The following RNFT2 variants were observed in gnomAD, a reference collection of about 807,000 sequenced individuals.
RNFT2 encodes ring finger protein, transmembrane 2.
RNFT2 carries 36 observed loss-of-function variants against 53.0 expected under a neutral mutation model. That is an observed-to-expected ratio of 0.68 (90% CI 0.52 to 0.90). The LOEUF (loss-of-function observed/expected upper bound fraction) is 0.90, where lower values mean the gene tolerates loss of function less well. Ranked by LOEUF, RNFT2 falls within the 40% of genes least tolerant of loss-of-function variation. The probability of loss-of-function intolerance (pLI) is 0.00; values close to 1 mark genes in which losing one functional copy is unlikely to be tolerated. For synonymous variants in RNFT2, 260 were observed against 253.2 expected (o/e 1.03, Z -0.26); for missense variants, 514 against 585.6 (o/e 0.88, Z 1.26).
intron 7 of RNFT2, among the ~76,000 whole-genome samples, chr12:116,833,148 A>T (rs1565873513): frequency 6.6e-6 from 1 of 151,866 alleles, no homozygotes; most frequent in Non-Finnish European, 1.5e-5. Context: ...TGAACTCCTG[A>T]CCTTAAGTGA....
At chr12:116,813,789 A>T (rs1163425675) in intron 7 of RNFT2, among the ~76,000 whole-genome samples, 5 of 152,236 alleles carry the variant, frequency 3.3e-5, no homozygotes, top group Non-Finnish European at 7.3e-5. Flanking sequence ...GTGTGAATTC[A>T]GTTGGAAGGG....
At chr12:116,766,352 T>G (rs1166416704) in intron 5 of RNFT2, among the ~76,000 whole-genome samples, 1 of 152,234 alleles carries the variant, frequency 6.6e-6, no homozygotes, top group East Asian at 1.9e-4. Flanking sequence ...CACAGCCCCT[T>G]GAGGTTTCTT....
At chr12:116,780,000 G>T (rs188787518) in intron 7 of RNFT2, among the ~76,000 whole-genome samples, 1 of 151,710 alleles carries the variant, frequency 6.6e-6, no homozygotes, top group Non-Finnish European at 1.5e-5. Context: ...AATCTGGACC[G>T]AAGCAGGTGG....
At chr12:116,750,617 T>C (rs1001662795) in intron 4 of RNFT2, among the ~76,000 whole-genome samples, 6 of 151,706 alleles carry the variant, frequency 4.0e-5, no homozygotes, top group Non-Finnish European at 8.8e-5. Context: ...TGCTGGAGTC[T>C]GCACCCTAGC....
In RNFT2 at chr12:116,780,670, C is replaced by CA. The variant is rs534092869; in HGVS notation, c.882+1336dup. 8.9e-3 allele frequency among the ~76,000 whole-genome samples: 889 copies of CA among 100,136 alleles called. 4 individuals are homozygous for CA. The highest frequency in any genetic ancestry group is 0.01 in the African/African-American group (336 of 32,060). 65.7% of individuals were successfully genotyped at this position (100,136 alleles called of 152,430 possible). A position where few individuals can be genotyped will look rare whatever the true frequency, so the allele number is the denominator to read the frequency against. ...CAGGAAACGCAAAATGGCATAAAGA[C>CA]AAAAAAAAAAAAAAGAGATGTGGAG... On this transcript the variant is annotated intron_variant, in intron 7 of 10. Transcript: ENST00000257575.
At chr12:116,750,922 C>T (rs1171087127) in intron 4 of RNFT2, among the ~76,000 whole-genome samples, 4 of 109,520 alleles carry the variant, frequency 3.7e-5, no homozygotes, top group African/African-American at 1.4e-4. Flanking sequence ...TTTTTTGAGA[C>T]AGGGTCTTGC....
intron 7 of RNFT2, among the ~76,000 whole-genome samples, chr12:116,781,602 C>T (rs1372655133): frequency 6.6e-6 from 1 of 151,570 alleles, no homozygotes; most frequent in African/African-American, 2.4e-5. Context: ...CCTCTCCCTC[C>T]CCCTACACCT....
intron 10 of RNFT2, among the ~76,000 whole-genome samples, chr12:116,840,995 G>A (rs566214375): frequency 6.6e-6 from 1 of 152,112 alleles, no homozygotes; most frequent in Admixed American, 6.6e-5. Context: ...GTAATTAAAT[G>A]CTTCAAACAT....
intron 7 of RNFT2, among the ~76,000 whole-genome samples, chr12:116,788,660 G>A (rs890602445): frequency 6.6e-6 from 1 of 152,116 alleles, no homozygotes; most frequent in Non-Finnish European, 1.5e-5. Context: ...CAGTTTGTTT[G>A]TTGATGGATC....
intron 6 of RNFT2, among the ~76,000 whole-genome samples, chr12:116,776,030 G>A (rs567237794): frequency 6.6e-6 from 1 of 151,770 alleles, no homozygotes; most frequent in African/African-American, 2.4e-5. Flanking sequence ...GCAACAGAGC[G>A]AGACTCTCAA....
chr12:116,846,309 G>C (rs2137225194), intron 10 of RNFT2, among the ~76,000 whole-genome samples: 1 of 152,080 alleles, frequency 6.6e-6, no homozygotes, highest in South Asian at 2.1e-4. Context: ...GTCTCACTCT[G>C]TCTCCCAGGC....
At chr12:116,790,584 T>C (rs1349331595) in intron 7 of RNFT2, among the ~76,000 whole-genome samples, 1 of 152,218 alleles carries the variant, frequency 6.6e-6, no homozygotes, top group Admixed American at 6.5e-5. Flanking sequence ...TTCATTTCCA[T>C]CTGATGTCAG....
In RNFT2 at chr12:116,743,262, A is replaced by G. The variant is rs1245241237; in HGVS notation, c.83+2168A>G. ...AAAAAAAACCGGTTAAAAAACACTC[A>G]TGAGCTAGAATTTTTTTTTTTTGAG... On this transcript the variant is annotated intron_variant, in intron 3 of 10. Coordinates refer to ENST00000257575, the MANE Select transcript of RNFT2 (RefSeq NM_001382266.1). Among the ~76,000 whole-genome samples the G allele has an allele frequency of 7.4e-5, 9 of 122,082 alleles. 1 individual carries two copies. Among genetic ancestry groups the G allele is most frequent in the African/African-American group, 2.5e-4 (9 of 35,348 alleles). The allele number at this position is 122,082 out of a possible 152,430, so 80.1% of individuals were successfully genotyped here.
intron 3 of RNFT2, among the ~76,000 whole-genome samples, chr12:116,746,129 C>CGT (rs1350956252): frequency 6.6e-6 from 1 of 152,036 alleles, no homozygotes; most frequent in Non-Finnish European, 1.5e-5. Context: ...CCCAGCTACT[C>CGT]GGGAGGCTGA....
intron 10 of RNFT2, among the ~76,000 whole-genome samples, chr12:116,842,619 G>A (rs1465498158): frequency 6.6e-6 from 1 of 152,092 alleles, no homozygotes; most frequent in African/African-American, 2.4e-5. Context: ...TGTCACCCAG[G>A]CTAGAGTGCA....
chr12:116,807,578 A>G (rs1875140804), intron 7 of RNFT2, among the ~76,000 whole-genome samples: 1 of 151,996 alleles, frequency 6.6e-6, no homozygotes, highest in Non-Finnish European at 1.5e-5. Context: ...TCACTGCATG[A>G]TTCTGCCTCT....
chr12:116,803,098 A>T (rs1156279714), intron 7 of RNFT2, among the ~76,000 whole-genome samples: 1 of 152,144 alleles, frequency 6.6e-6, no homozygotes, highest in Admixed American at 6.5e-5. Context: ...CTGTCTTAAA[A>T]AAAAAAATCA....
chr12:116,814,693 C>T (rs537652630), intron 7 of RNFT2, among the ~76,000 whole-genome samples: 5 of 150,698 alleles, frequency 3.3e-5, no homozygotes, highest in Non-Finnish European at 5.9e-5. Flanking sequence ...TTTTTTTTTC[C>T]GACAGAGTCT....
chr12:116,742,936 C>G (rs988679425), intron 3 of RNFT2, among the ~76,000 whole-genome samples: 1 of 151,282 alleles, frequency 6.6e-6, no homozygotes, highest in South Asian at 2.1e-4. Context: ...TAAAAACTTA[C>G]CCAGCATGGT....
Sources: allele counts gnomAD v4.1 joint callset (sites outside exome capture counted in the v4.1 genomes callset), GRCh38; gene constraint gnomAD v4.1.1; transcripts MANE v1.5; gene names NCBI Gene and HGNC (gene_info 2026-07-23, HGNC 2026-07-21).